Variants in NEDD8 observed in about 807,000 individuals in gnomAD.
NEDD8 encodes the protein NEDD8 ubiquitin like modifier.
Under a neutral mutation model 13.8 loss-of-function variants are expected in NEDD8, and 1 was observed. The observed-to-expected ratio is 0.07, with a 90% CI of 0.03 to 0.34. The LOEUF is 0.34. Among genes scored for constraint, NEDD8 ranks in the 10% least tolerant of loss-of-function variants. The probability of loss-of-function intolerance (pLI) is 0.99; values close to 1 mark genes in which losing one functional copy is unlikely to be tolerated. For synonymous variants in NEDD8, 31 were observed against 33.2 expected (o/e 0.93, Z 0.23); for missense variants, 10 against 95.2 (o/e 0.10, Z 3.73).
intron 1 of NEDD8, among the ~76,000 whole-genome samples, chr14:24,225,519 A>G (rs567117660): frequency 6.6e-6 from 1 of 152,314 alleles, no homozygotes; most frequent in Non-Finnish European, 1.5e-5. Context: ...AATTTGCTTT[A>G]AAAAAATCAG....
chr14:24,221,560 A>G (rs8008047), intron 1 of NEDD8, among the ~76,000 whole-genome samples: 18,961 of 151,184 alleles, frequency 0.13, 3,487 homozygotes, highest in African/African-American at 0.41. Flanking sequence ...GATTATAGGC[A>G]TGAGCCACCG....
At position 24,224,757 on chromosome 14, in the gene NEDD8, T is replaced by A. The variant is rs1052934027; in HGVS notation, c.19-6326A>T. On this transcript the variant is annotated intron_variant, in intron 1 of 3. Transcript: ENST00000250495. ...CAATCTGATGGAAGTACATACCACA[T>A]CACCACCTATGAATTCTTCTCACAT... Among the ~76,000 whole-genome samples the A allele has an allele frequency of 1.3e-4, 20 of 152,204 alleles. No homozygotes were observed. The East Asian group carries it at 3.9e-3, about 29-fold the overall frequency.
At chr14:24,229,071 A>G (rs183576340) in intron 1 of NEDD8, among the ~76,000 whole-genome samples, 77 of 152,238 alleles carry the variant, frequency 5.1e-4, no homozygotes, top group Non-Finnish European at 9.7e-4. Flanking sequence ...GACATTCAAT[A>G]TCACCTGGGA....
At chr14:24,223,317 C>A (rs1036466416) in intron 1 of NEDD8, among the ~76,000 whole-genome samples, 9 of 151,622 alleles carry the variant, frequency 5.9e-5, no homozygotes, top group African/African-American at 2.2e-4. Flanking sequence ...GGCAAGACTG[C>A]CCAAGCCCAG....
At position 24,217,208 on chromosome 14, in the gene NEDD8, T is replaced by G. The variant is rs1411493701; in HGVS notation, c.165A>C (p.Thr55=). The G allele has an allele frequency of 6.2e-7, 1 of 1,612,534 alleles. No individual in the cohort carries two copies. The highest frequency in any genetic ancestry group is 1.3e-5 in the African/African-American group (1 of 75,018). ...YSGKQMNDEK[T]AADYKILGGS... ...CACCTAAAATCTTGTAATCAGCTGCTGTCTTCTCATCATTCCTGCAGGAAA... is the reference window on the plus strand; with the variant it reads ...CACCTAAAATCTTGTAATCAGCTGCGGTCTTCTCATCATTCCTGCAGGAAA... Residue 55 remains threonine, a synonymous_variant, in exon 4 of 4, where the codon ACA becomes ACC. Transcript: ENST00000250495.
chr14:24,231,514 T>C (rs1359629826), intron 1 of NEDD8: 2 of 150,520 alleles, frequency 1.3e-5, no homozygotes, highest in Non-Finnish European at 3.0e-5. Context: ...GGTCTCTGTC[T>C]GTCTGAAGGC....
intron 1 of NEDD8, among the ~76,000 whole-genome samples, chr14:24,225,765 G>A (rs183885742): frequency 3.9e-5 from 6 of 152,252 alleles, no homozygotes; most frequent in African/African-American, 9.6e-5. Context: ...TAGACAGGGC[G>A]CGGTGGCTCA....
intron 1 of NEDD8, 43 bp from the exon 2 acceptor site, chr14:24,218,474 A>C: frequency 3.1e-6 from 5 of 1,614,164 alleles, no homozygotes; most frequent in Non-Finnish European, 4.2e-6. Flanking sequence ...AGCCCAATGT[A>C]CAATTTGTCT....
At chr14:24,223,144 G>A (rs1035592815) in intron 1 of NEDD8, among the ~76,000 whole-genome samples, 1 of 149,692 alleles carries the variant, frequency 6.7e-6, no homozygotes, top group Non-Finnish European at 1.5e-5. Context: ...GCATATGCCT[G>A]TAATCTCAAC....
At chr14:24,231,453 A>G (rs1229558342) in intron 1 of NEDD8, among the ~76,000 whole-genome samples, 1 of 125,804 alleles carries the variant, frequency 7.9e-6, no homozygotes, top group Non-Finnish European at 1.6e-5. Context: ...AACTAGCATT[A>G]GACTTCACTT....
Position 24,218,613 on chromosome 14 carries a change from T to G in NEDD8, c.19-182A>C, listed in dbSNP as rs1594481885. On this transcript the variant is annotated intron_variant, in intron 1 of 3. Coordinates refer to ENST00000250495, the MANE Select transcript of NEDD8 (RefSeq NM_006156.3). Reference sequence around the variant, plus strand: ...CTTCATTTATCAAATATTTTTAGGCTGTAAACAACTTTGATAGGGCAAGAT... The same window carrying G: ...CTTCATTTATCAAATATTTTTAGGCGGTAAACAACTTTGATAGGGCAAGAT... 6.1e-6 allele frequency: 5 copies of G among 819,242 alleles called. No homozygotes were observed. The East Asian group carries it at 1.3e-4, about 22-fold the overall frequency. 50.7% of individuals were successfully genotyped at this position (819,242 alleles called of 1,614,324 possible). A position where few individuals can be genotyped will look rare whatever the true frequency, so the allele number is the denominator to read the frequency against.
At chr14:24,223,991 G>C (rs113371515) in intron 1 of NEDD8, among the ~76,000 whole-genome samples, 1 of 151,630 alleles carries the variant, frequency 6.6e-6, no homozygotes, top group African/African-American at 2.4e-5. Flanking sequence ...GCAGTAGCAC[G>C]ATCTCGGCTC....
intron 1 of NEDD8, among the ~76,000 whole-genome samples, chr14:24,221,735 C>G (rs922493330): frequency 4.6e-5 from 7 of 152,026 alleles, no homozygotes; most frequent in Non-Finnish European, 7.4e-5. Flanking sequence ...GTAGCTGGGA[C>G]TACAGGCATG....
chr14:24,226,391 A>G (rs1234600171), intron 1 of NEDD8, among the ~76,000 whole-genome samples: 1 of 150,418 alleles, frequency 6.6e-6, no homozygotes, highest in Non-Finnish European at 1.5e-5. Flanking sequence ...GGTTGCAGTG[A>G]GCCGAGATCG....
At chr14:24,219,964 A>C (rs1169508223) in intron 1 of NEDD8, among the ~76,000 whole-genome samples, 1 of 152,194 alleles carries the variant, frequency 6.6e-6, no homozygotes, top group Non-Finnish European at 1.5e-5. Flanking sequence ...ACATGGAGAA[A>C]GCCTTCTCTA....
chr14:24,218,792 G>T, intron 1 of NEDD8: 1 of 295,230 alleles, frequency 3.4e-6, no homozygotes, highest in South Asian at 3.5e-5. Flanking sequence ...TGTTGACCAG[G>T]CTGGAGTGCA....
In NEDD8 at chr14:24,217,132, G is replaced by A. The variant is rs767263124; in HGVS notation, c.241C>T (p.Gln81Ter). The A allele has an allele frequency of 6.2e-7, 1 of 1,611,726 alleles. No homozygotes were observed. Among genetic ancestry groups the A allele is most frequent in the South Asian group, 1.1e-5 (1 of 90,582 alleles). Residue 81 changes from glutamine (Q) to a stop codon, truncating the protein, a stop_gained, in exon 4 of 4, where the codon CAG becomes TAG. Coordinates refer to ENST00000250495, the MANE Select transcript of NEDD8 (RefSeq NM_006156.3). LOFTEE classifies it high-confidence loss of function. ...LALRGGGGLR[Q>*] ...GAGGTAAAATGGAGGGTCCATCACTGCCTAAGACCACCTCCTCCTCTCAGA... is the reference window on the plus strand; with the variant it reads ...GAGGTAAAATGGAGGGTCCATCACTACCTAAGACCACCTCCTCCTCTCAGA...
chr14:24,223,541 A>ATATT lies in NEDD8; in HGVS notation c.19-5114_19-5111dup, dbSNP rs754642504. On this transcript the variant is annotated intron_variant, in intron 1 of 3. Coordinates refer to ENST00000250495, the MANE Select transcript of NEDD8 (RefSeq NM_006156.3). ...TTCTAAACATACTTAAAAGTTTTTT[A>ATATT]TATTTATTTATTTATTTATTTATTT... is the stretch of plus-strand genomic sequence containing the variant. Among the ~76,000 whole-genome samples the ATATT allele has an allele frequency of 1.7e-3, 251 of 152,004 alleles. 3 individuals are homozygous for ATATT. The highest frequency in any genetic ancestry group is 6.4e-3 in the South Asian group (31 of 4,826).
chr14:24,229,941 C>T (rs2039962028), intron 1 of NEDD8, among the ~76,000 whole-genome samples: 1 of 151,522 alleles, frequency 6.6e-6, no homozygotes, highest in Non-Finnish European at 1.5e-5. Flanking sequence ...CGTGGTGGCA[C>T]ACCCTGTAGT....
Sources: allele counts gnomAD v4.1 joint callset (sites outside exome capture counted in the v4.1 genomes callset), GRCh38; gene constraint gnomAD v4.1.1; transcripts MANE v1.5; gene names NCBI Gene and HGNC (gene_info 2026-07-23, HGNC 2026-07-21).